SYNRG: variants seen among roughly 807,000 people sequenced by gnomAD.
SYNRG encodes synergin gamma, also known as AP1 gamma subunit binding protein 1.
SYNRG carries 37 observed loss-of-function variants against 130.9 expected under a neutral mutation model. The observed-to-expected ratio is 0.28, with a 90% CI of 0.22 to 0.37. SYNRG has a LOEUF of 0.37. Ranked by LOEUF, SYNRG falls within the 10% of genes least tolerant of loss-of-function variation. The probability of loss-of-function intolerance (pLI) is 1.00; values close to 1 mark genes in which losing one functional copy is unlikely to be tolerated. For missense variants in SYNRG, 1,338 were observed against 1,588.9 expected (o/e 0.84, Z 2.68); for synonymous variants, 539 against 568.1 (o/e 0.95, Z 0.73).
intron 10 of SYNRG, among the ~76,000 whole-genome samples, chr17:37,569,364 T>C (rs62073462): frequency 0.69 from 102,634 of 149,494 alleles, 37,001 homozygotes; most frequent in African/African-American, 0.91. Flanking sequence ...GAGCCGAGAT[T>C]GTGCCACTGC....
At chr17:37,602,539 T>C (rs2063382006) in intron 1 of SYNRG, among the ~76,000 whole-genome samples, 1 of 152,184 alleles carries the variant, frequency 6.6e-6, no homozygotes, top group Non-Finnish European at 1.5e-5. Context: ...TAGTTACCAG[T>C]GTCTAATGCT....
rs146212347 is a variant in SYNRG at position 37,550,971 on chromosome 17, C to T, written c.2608+2144G>A. ...CCTCAAAGGGTTAAATGTAATAATACGCAGAGAAATCAGGCAATGTTATCA... is the reference window on the plus strand; with the variant it reads ...CCTCAAAGGGTTAAATGTAATAATATGCAGAGAAATCAGGCAATGTTATCA... On this transcript the variant is annotated intron_variant, in intron 14 of 21. Transcript: ENST00000612223. 1.1e-4 allele frequency among the ~76,000 whole-genome samples: 16 copies of T among 152,256 alleles called. No individual in the cohort carries two copies. In the East Asian group the frequency reaches 3.1e-3, roughly 29 times the overall value.
intron 14 of SYNRG, among the ~76,000 whole-genome samples, chr17:37,543,007 A>G (rs1295741378): frequency 2.6e-5 from 4 of 152,226 alleles, no homozygotes; most frequent in Non-Finnish European, 4.4e-5. Flanking sequence ...TGGCAAAATA[A>G]TTAAAAGTTG....
intron 7 of SYNRG, 120 bp from the exon 8 acceptor site, chr17:37,576,538 A>G (rs1002567965): frequency 1.7e-5 from 14 of 827,582 alleles, no homozygotes; most frequent in African/African-American, 6.9e-5. Context: ...TCACCAATAC[A>G]ATTAAAATAC....
intron 14 of SYNRG, among the ~76,000 whole-genome samples, chr17:37,552,091 A>G (rs1568358271): frequency 6.6e-6 from 1 of 152,222 alleles, no homozygotes; most frequent in South Asian, 2.1e-4. Context: ...CCAATTTGAC[A>G]TATGCAAAAG....
chr17:37,596,739 G>A (rs1262243095), intron 2 of SYNRG, among the ~76,000 whole-genome samples: 1 of 152,060 alleles, frequency 6.6e-6, no homozygotes, highest in Non-Finnish European at 1.5e-5. Context: ...CTGTGGAAAT[G>A]ACAGCATGTA....
chr17:37,600,374 C>A lies in SYNRG; in HGVS notation c.107G>T (p.Arg36Ile). 2 of 1,612,792 alleles carry A rather than the reference C, an allele frequency of 1.2e-6. No individual in the cohort carries two copies. Among genetic ancestry groups the A allele is most frequent in the Non-Finnish European group, 1.7e-6 (2 of 1,179,714 alleles). Residue 36 changes from arginine (R) to isoleucine (I), a missense_variant, in exon 2 of 22, where the codon AGA becomes ATA. This residue lies in a region of SYNRG where 184 missense variants were observed against 217.2 expected (regional missense o/e 0.85). Coordinates refer to ENST00000612223, the MANE Select transcript of SYNRG (RefSeq NM_007247.6). ...AAGCTCTCACATACCTTGAGGGGGT[C>A]TTATCCCACCTGCAACAGGAAACAT... ...GFMFPVAGGIRPPQAGLMPMQ... is the reference protein window; with the variant it reads ...GFMFPVAGGIIPPQAGLMPMQ...
At chr17:37,561,355 T>C (rs2059519410) in intron 12 of SYNRG, 98 bp from the exon 13 acceptor site, 1 of 1,433,416 alleles carries the variant, frequency 7.0e-7, no homozygotes, top group East Asian at 2.3e-5. Context: ...ACTATTAACA[T>C]GTGGTATACA....
intron 18 of SYNRG, among the ~76,000 whole-genome samples, chr17:37,537,668 T>C (rs906497589): frequency 6.6e-6 from 1 of 151,926 alleles, no homozygotes; most frequent in Non-Finnish European, 1.5e-5. Context: ...AAGTAACATA[T>C]GTAAGAAATT....
intron 3 of SYNRG, among the ~76,000 whole-genome samples, chr17:37,588,571 A>G (rs2061884782): frequency 1.3e-5 from 2 of 152,102 alleles, no homozygotes; most frequent in African/African-American, 4.8e-5. Flanking sequence ...CCAGCTTGGA[A>G]TGCCTTTGGA....
intron 6 of SYNRG, among the ~76,000 whole-genome samples, chr17:37,581,092 A>T (rs1032275204): frequency 6.6e-6 from 1 of 152,196 alleles, no homozygotes; most frequent in African/African-American, 2.4e-5. Context: ...ACCCTGCCTG[A>T]AGACTACAAC....
chr17:37,604,220 A>G (rs1598689856), intron 1 of SYNRG, among the ~76,000 whole-genome samples: 1 of 148,820 alleles, frequency 6.7e-6, no homozygotes, highest in African/African-American at 2.5e-5. Flanking sequence ...AGCCTGGGTG[A>G]CAGAGTGAGA....
intron 17 of SYNRG, among the ~76,000 whole-genome samples, chr17:37,538,647 G>A (rs1201388353): frequency 6.6e-6 from 1 of 152,260 alleles, no homozygotes; most frequent in Non-Finnish European, 1.5e-5. Flanking sequence ...ACAGGTTGGA[G>A]TGCAGTGGCA....
At position 37,570,830 on chromosome 17, in the gene SYNRG, AT is replaced by A. The variant is rs760812484; in HGVS notation, c.1153del (p.Ile385PhefsTer4). On this transcript the variant is annotated frameshift_variant, in exon 10 of 22. Coordinates refer to ENST00000612223, the MANE Select transcript of SYNRG (RefSeq NM_007247.6). LOFTEE classifies it high-confidence loss of function. Reference sequence around the variant, plus strand: ...CATAGAAAAGCCACTTAAAGTTGGAATAGGAGCTGCTGGGAACTGGTTTAAA... The same window carrying A: ...CATAGAAAAGCCACTTAAAGTTGGAAAGGAGCTGCTGGGAACTGGTTTAAA... ...DALNQFPAAP[I>X]PTLSGFSMTL... 2 of 1,614,236 alleles carry A rather than the reference AT, an allele frequency of 1.2e-6. No individual in the cohort carries two copies.
intron 19 of SYNRG, among the ~76,000 whole-genome samples, chr17:37,521,010 T>C (rs752494102): frequency 2.3e-4 from 35 of 149,064 alleles, no homozygotes; most frequent in Admixed American, 5.4e-4. Context: ...AGCCAGAGAC[T>C]GCGTCCTAGA....
intron 18 of SYNRG, chr17:37,536,406 C>G: frequency 1.2e-5 from 5 of 408,974 alleles, no homozygotes; most frequent in Non-Finnish European, 2.2e-5. Context: ...ACCTCAGTTT[C>G]CTCATCTGTG....
chr17:37,586,914 T>A (rs1287514662), intron 3 of SYNRG, among the ~76,000 whole-genome samples: 1 of 152,120 alleles, frequency 6.6e-6, no homozygotes, highest in East Asian at 1.9e-4. Flanking sequence ...TTATATATTT[T>A]CATATTTGCA....
At chr17:37,527,819 C>G (rs1053002412) in intron 19 of SYNRG, among the ~76,000 whole-genome samples, 4 of 152,062 alleles carry the variant, frequency 2.6e-5, no homozygotes, top group East Asian at 1.9e-4. Context: ...AATTCCCCCC[C>G]CATGGACAGG....
chr17:37,541,138 CA>C, intron 15 of SYNRG: 1 of 985,440 alleles, frequency 1.0e-6, no homozygotes. Flanking sequence ...GTCTGGAGAA[CA>C]AAAGCACCTT....
Sources: allele counts gnomAD v4.1 joint callset (sites outside exome capture counted in the v4.1 genomes callset), GRCh38; gene constraint gnomAD v4.1.1; regional missense constraint gnomAD v4.1.1; transcripts MANE v1.5; gene names NCBI Gene and HGNC (gene_info 2026-07-23, HGNC 2026-07-21).